ERC2: variants seen among roughly 807,000 people sequenced by gnomAD.
ERC2 encodes ERC protein 2.
In ERC2, 42 loss-of-function variants were observed where a neutral mutation model predicts 114.8. The observed-to-expected ratio is 0.37, with a 90% confidence interval of 0.29 to 0.47. ERC2 has a LOEUF of 0.47. Among genes scored for constraint, ERC2 ranks in the 20% least tolerant of loss-of-function variants. The pLI is 0.99. For missense variants in ERC2, 939 were observed against 1,150.7 expected, an observed-to-expected ratio of 0.82 and a Z score of 2.66; for synonymous variants, 454 against 425.5, an observed-to-expected ratio of 1.07 and a Z score of -0.82.
intron 14 of ERC2, among the ~76,000 whole-genome samples, chr3:55,853,703 C>T (rs988475137): frequency 6.6e-6 from 1 of 152,078 alleles, no homozygotes; most frequent in Non-Finnish European, 1.5e-5. Context: ...ACTTGAAATA[C>T]TTAGAGGAGT....
At chr3:55,781,639 AG>A (rs993700683) in intron 14 of ERC2, among the ~76,000 whole-genome samples, 1 of 151,984 alleles carries the variant, frequency 6.6e-6, no homozygotes, top group African/African-American at 2.4e-5. Context: ...TGGGAGGCCG[AG>A]GGGGGTGGAT....
At chr3:56,192,112 G>T (rs187255479) in intron 3 of ERC2, among the ~76,000 whole-genome samples, 1 of 152,100 alleles carries the variant, frequency 6.6e-6, no homozygotes, top group East Asian at 1.9e-4. Flanking sequence ...TCAATCTCCA[G>T]CCTTTCCTCT....
chr3:56,282,313 T>C (rs2054401240), intron 3 of ERC2, among the ~76,000 whole-genome samples: 1 of 151,952 alleles, frequency 6.6e-6, no homozygotes, highest in Admixed American at 6.6e-5. Flanking sequence ...AAGGTTAAAA[T>C]AAGAGAGGGA....
At chr3:55,910,891 T>C (rs2064758317) in intron 13 of ERC2, among the ~76,000 whole-genome samples, 1 of 152,170 alleles carries the variant, frequency 6.6e-6, no homozygotes, top group African/African-American at 2.4e-5. Context: ...AAGGTAAAAA[T>C]GTATCACTTT....
intron 14 of ERC2, among the ~76,000 whole-genome samples, chr3:55,824,837 G>A (rs1053740919): frequency 5.3e-5 from 8 of 152,172 alleles, no homozygotes; most frequent in Non-Finnish European, 1.5e-5. Flanking sequence ...AATGAACATT[G>A]AATGGGTATA....
intron 14 of ERC2, among the ~76,000 whole-genome samples, chr3:55,761,984 C>G (rs1161578428): frequency 8.1e-6 from 1 of 122,782 alleles, no homozygotes; most frequent in Non-Finnish European, 1.6e-5. Flanking sequence ...TCCTCTCTCT[C>G]TCTCTCCTGC....
intron 14 of ERC2, among the ~76,000 whole-genome samples, chr3:55,830,558 G>C (rs918088659): frequency 1.3e-5 from 2 of 152,150 alleles, no homozygotes; most frequent in Non-Finnish European, 2.9e-5. Flanking sequence ...AGGTTGTGAG[G>C]TTTCTCAATT....
chr3:56,092,579 C>A (rs1422432988), intron 6 of ERC2, among the ~76,000 whole-genome samples: 1 of 152,154 alleles, frequency 6.6e-6, no homozygotes, highest in Admixed American at 6.6e-5. Flanking sequence ...GAACTTACCT[C>A]ACTGATTTTT....
At chr3:55,666,579 C>G (rs1425800870) in intron 17 of ERC2, among the ~76,000 whole-genome samples, 16 of 152,280 alleles carry the variant, frequency 1.1e-4, no homozygotes, top group Admixed American at 9.8e-4. Flanking sequence ...AGCCATGTTG[C>G]CCCCCAGGGG....
intron 17 of ERC2, among the ~76,000 whole-genome samples, chr3:55,549,582 A>T (rs1364894091): frequency 7.1e-6 from 1 of 141,762 alleles, no homozygotes; most frequent in African/African-American, 2.6e-5. Flanking sequence ...CAAGGCTGTT[A>T]TATCAGGTAT....
At chr3:56,321,506 A>T (rs1464257665) in intron 2 of ERC2, among the ~76,000 whole-genome samples, 4 of 152,242 alleles carry the variant, frequency 2.6e-5, no homozygotes, top group Admixed American at 2.6e-4. Flanking sequence ...AACCAGAAGT[A>T]GTTCAGGAGC....
chr3:56,032,909 A>AAGAAAGAAAGAGAGAGAGAC (rs2074474976), intron 7 of ERC2, among the ~76,000 whole-genome samples: 1 of 56,878 alleles, frequency 1.8e-5, no homozygotes, highest in Non-Finnish European at 4.0e-5. Context: ...GACAGAAAGA[A>AAGAAAGAAAGAGAGAGAGAC]AGAAAGAAAG....
intron 12 of ERC2, among the ~76,000 whole-genome samples, chr3:55,954,207 G>A (rs2067787984): frequency 6.6e-6 from 1 of 150,744 alleles, no homozygotes; most frequent in Non-Finnish European, 1.5e-5. Flanking sequence ...AACAATTATG[G>A]TAAAAGAAGT....
intron 7 of ERC2, among the ~76,000 whole-genome samples, chr3:56,057,733 C>T (rs923077565): frequency 3.3e-5 from 5 of 152,068 alleles, no homozygotes; most frequent in South Asian, 2.1e-4. Context: ...ACTTGGGATA[C>T]GTCAGTACAC....
At chr3:56,384,922 C>A (rs897978668) in intron 2 of ERC2, among the ~76,000 whole-genome samples, 50 of 152,214 alleles carry the variant, frequency 3.3e-4, no homozygotes, top group African/African-American at 1.2e-3. Flanking sequence ...TTTCCAACAA[C>A]AGTTGTTGAA....
chr3:55,662,363 G>A (rs911922741), intron 17 of ERC2, among the ~76,000 whole-genome samples: 1 of 152,096 alleles, frequency 6.6e-6, no homozygotes, highest in African/African-American at 2.4e-5. Context: ...CCTTGGCAGG[G>A]GAATTCCATG....
At chr3:56,015,272 G>A (rs758081372) in intron 8 of ERC2, among the ~76,000 whole-genome samples, 2 of 152,048 alleles carry the variant, frequency 1.3e-5, no homozygotes, top group Non-Finnish European at 2.9e-5. Flanking sequence ...ATAGGTAAAC[G>A]TGTGTAATGG....
At chr3:56,183,965 T>C (rs1270175183) in intron 3 of ERC2, among the ~76,000 whole-genome samples, 7 of 152,070 alleles carry the variant, frequency 4.6e-5, no homozygotes, top group African/African-American at 1.7e-4. Context: ...AGGGAAACAG[T>C]TTCCATGGAA....
chr3:56,332,139 C>CACAT, intron 2 of ERC2, among the ~76,000 whole-genome samples: 1 of 62,650 alleles, frequency 1.6e-5, no homozygotes, highest in East Asian at 4.0e-4. Flanking sequence ...TTTTCACACA[C>CACAT]ACACACACAT....
Sources: gnomAD v4.1 joint callset for allele counts (sites outside exome capture counted in the v4.1 genomes callset) on GRCh38, gnomAD v4.1.1 for gene constraint, MANE v1.5 for transcripts, NCBI Gene and HGNC (gene_info 2026-07-23, HGNC 2026-07-21) for gene names.